Variants in BCOR observed in about 807,000 individuals in gnomAD.
The protein encoded by BCOR is BCL6 corepressor.
Under a neutral mutation model 86.7 loss-of-function variants are expected in BCOR, and 10 were observed. That is an observed-to-expected ratio of 0.12 (90% CI 0.07 to 0.20). The LOEUF (loss-of-function observed/expected upper bound fraction) is 0.20, where lower values mean the gene tolerates loss of function less well. Among genes scored for constraint, BCOR ranks in the 10% least tolerant of loss-of-function variants. BCOR has a pLI of 1.00. For synonymous variants in BCOR, 611 were observed against 609.0 expected (o/e 1.00, Z -0.05); for missense variants, 1,259 against 1,452.1 (o/e 0.87, Z 2.16).
intron 1 of BCOR, among the ~76,000 whole-genome samples, chrX:40,145,249 C>T (rs1248834130): frequency 9.0e-6 from 1 of 111,441 alleles, no homozygotes; most frequent in Non-Finnish European, 1.9e-5. Flanking sequence ...CGAACAGCTC[C>T]GGACTGGGCC....
intron 1 of BCOR, among the ~76,000 whole-genome samples, chrX:40,123,674 T>C (rs1937514540): frequency 9.0e-6 from 1 of 110,939 alleles, no homozygotes; most frequent in South Asian, 3.8e-4. Context: ...TTCCACACTT[T>C]CTGATTTCTC....
At chrX:40,123,286 G>A (rs1937511106) in intron 1 of BCOR, among the ~76,000 whole-genome samples, 1 of 110,806 alleles carries the variant, frequency 9.0e-6, no homozygotes, top group East Asian at 2.8e-4. Flanking sequence ...GGGGTCTTAG[G>A]GACCCTCCAA....
chrX:40,052,799 C>T (rs1019141473), intron 14 of BCOR, among the ~76,000 whole-genome samples: 3 of 110,637 alleles, frequency 2.7e-5, no homozygotes, highest in South Asian at 3.8e-4. Flanking sequence ...CTCCTGACCT[C>T]GTGATCCGCC....
At chrX:40,177,159 C>G (rs1347112203) in exon 1 of BCOR, 1 of 110,973 alleles carries the variant, frequency 9.0e-6, no homozygotes, top group Non-Finnish European at 1.9e-5. Flanking sequence ...CCACTTCACG[C>G]TCTTTCTCCT....
At chrX:40,174,838 A>G (rs1382628042) in intron 1 of BCOR, among the ~76,000 whole-genome samples, 1 of 113,000 alleles carries the variant, frequency 8.8e-6, no homozygotes, top group South Asian at 3.6e-4. Flanking sequence ...GTTTGACCAC[A>G]GTTTCTCACA....
At position 40,143,228 on chromosome X, in the gene BCOR, G is replaced by C. The variant is rs762195734; in HGVS notation, c.-41+33779C>G. ...GCAGGAATGCTGTGTGTCTGTGTGTGTGTGTGTGTGTCTGTGTGTGTTTCC... is the reference window on the plus strand; with the variant it reads ...GCAGGAATGCTGTGTGTCTGTGTGTCTGTGTGTGTGTCTGTGTGTGTTTCC... On this transcript the variant is annotated intron_variant, in intron 1 of 14. Coordinates refer to the BCOR transcript ENST00000342274. Among the ~76,000 whole-genome samples the C allele has an allele frequency of 3.3e-3, 369 of 112,101 alleles. 1 individual carries two copies. The highest frequency in any genetic ancestry group is 6.2e-3 in the Non-Finnish European group (327 of 53,146).
intron 1 of BCOR, among the ~76,000 whole-genome samples, chrX:40,153,407 C>G (rs977461096): frequency 8.9e-6 from 1 of 112,206 alleles, no homozygotes; most frequent in Non-Finnish European, 1.9e-5. Flanking sequence ...CGGGTTCTGC[C>G]GTTCCGAGAG....
rs147425888 is a variant in BCOR at position 40,082,756 on chromosome X, C to A, written c.-40-4787G>T. 1.6e-3 allele frequency among the ~76,000 whole-genome samples: 182 copies of A among 112,144 alleles called. 1 individual carries two copies. The highest frequency in any genetic ancestry group is 5.5e-3 in the African/African-American group (168 of 30,821). ...GCACTGTGTTTTCCAAAGGATTAAG[C>A]TGCACTATGGACTTGAGTTTTGCCT... On this transcript the variant is annotated intron_variant, in intron 1 of 14. Coordinates refer to ENST00000378444, the MANE Select transcript of BCOR (RefSeq NM_001123385.2).
intron 1 of BCOR, among the ~76,000 whole-genome samples, chrX:40,081,798 A>C (rs181685097): frequency 8.9e-6 from 1 of 112,413 alleles, no homozygotes; most frequent in African/African-American, 3.2e-5. Context: ...ATGGAGAGGA[A>C]AGACAGCTGA....
intron 1 of BCOR, among the ~76,000 whole-genome samples, chrX:40,112,216 GCCTGGAT>G (rs1937324021): frequency 1.8e-5 from 2 of 110,971 alleles, no homozygotes; most frequent in South Asian, 7.6e-4. Context: ...GTTGCCTTGG[GCCTGGAT>G]CCTCCCCTTC....
upstream of BCOR, among the ~76,000 whole-genome samples, chrX:40,102,704 G>A (rs752845955): frequency 2.6e-5 from 3 of 113,549 alleles, no homozygotes; most frequent in Middle Eastern, 4.6e-3. Flanking sequence ...CTGCGAAGAC[G>A]CACCACCCCG....
chrX:40,147,008 C>T (rs1298273426), intron 1 of BCOR, among the ~76,000 whole-genome samples: 24 of 111,828 alleles, frequency 2.1e-4, no homozygotes, highest in Admixed American at 2.1e-3. Flanking sequence ...GGGCTCGGAA[C>T]GTTTCCTTCA....
In BCOR at chrX:40,074,189, G is replaced by T. The variant is rs201980923; in HGVS notation, c.1157C>A (p.Ala386Asp). 7 of 1,211,100 alleles carry T rather than the reference G, an allele frequency of 5.8e-6. No individual in the cohort carries two copies. The highest frequency in any genetic ancestry group is 2.2e-5 in the Admixed American group (1 of 45,961). ...YMTVSSEFPAARLSNGKYPKA... is the reference protein window; with the variant it reads ...YMTVSSEFPADRLSNGKYPKA... Reference sequence around the variant, plus strand: ...GGGATACTTGCCATTGGAGAGCCTGGCCGCGGGGAACTCGCTGCTAACTGT... The same window carrying T: ...GGGATACTTGCCATTGGAGAGCCTGTCCGCGGGGAACTCGCTGCTAACTGT... Residue 386 changes from alanine to aspartate, a missense_variant, in exon 4 of 15, where the codon GCC becomes GAC. Coordinates refer to ENST00000378444, the MANE Select transcript of BCOR (RefSeq NM_001123385.2).
intron 1 of BCOR, among the ~76,000 whole-genome samples, chrX:40,085,174 C>T (rs1042554148): frequency 1.8e-5 from 2 of 112,866 alleles, no homozygotes; most frequent in African/African-American, 3.2e-5. Context: ...AGGCCTGCCT[C>T]GGAGCACGAT....
rs139870626 is a variant in BCOR, at chrX:40,067,149, C to A, written c.3239-2550G>T. Among the ~76,000 whole-genome samples, 952 of 112,264 alleles carry A rather than the reference C, an allele frequency of 8.5e-3. 6 individuals carry two copies. The highest frequency in any genetic ancestry group is 0.015 in the Non-Finnish European group (787 of 53,127). Reference sequence around the variant, plus strand: ...GTGAAATGAGTTTATATCTCACCTACCTGGCCTTATGCCCAAACTGCCAGT... The same window carrying A: ...GTGAAATGAGTTTATATCTCACCTAACTGGCCTTATGCCCAAACTGCCAGT... On this transcript the variant is annotated intron_variant, in intron 6 of 14. Transcript: ENST00000378444.
chrX:40,150,410 T>C (rs1938144813), intron 1 of BCOR, among the ~76,000 whole-genome samples: 1 of 112,484 alleles, frequency 8.9e-6, no homozygotes, highest in African/African-American at 3.2e-5. Flanking sequence ...TTATCATAGT[T>C]TAAATCAATA....
intron 1 of BCOR, among the ~76,000 whole-genome samples, chrX:40,110,734 G>C (rs1212843440): frequency 2.8e-5 from 1 of 35,238 alleles, no homozygotes; most frequent in Admixed American, 5.5e-4. Context: ...TTTTGAGACG[G>C]AGTCTCACTC....
At chrX:40,110,338 G>T (rs1490125928) in intron 1 of BCOR, among the ~76,000 whole-genome samples, 1 of 111,396 alleles carries the variant, frequency 9.0e-6, no homozygotes, top group Non-Finnish European at 1.9e-5. Flanking sequence ...AAAGACATTT[G>T]AGTGTCTTTG....
rs148682256 is a variant in BCOR, at chrX:40,069,460, C to G, written c.3238+1513G>C. On this transcript the variant is annotated intron_variant, in intron 6 of 14. Coordinates refer to ENST00000378444, the MANE Select transcript of BCOR (RefSeq NM_001123385.2). ...TGGGCCCTGCTCCCCATTGGCCACA[C>G]CGAGTTACTCAGATGTGAACGGAGG... Among the ~76,000 whole-genome samples, 592 of 112,192 alleles carry G rather than the reference C, an allele frequency of 5.3e-3. 3 individuals carry two copies. Among genetic ancestry groups the G allele is most frequent in the African/African-American group, 0.018 (567 of 30,874 alleles).
Sources: allele counts gnomAD v4.1 joint callset (sites outside exome capture counted in the v4.1 genomes callset), GRCh38; gene constraint gnomAD v4.1.1; transcripts MANE v1.5; gene names NCBI Gene and HGNC (gene_info 2026-07-23, HGNC 2026-07-21).